Variants in RUNDC3B observed in about 807,000 individuals in gnomAD.
RUNDC3B encodes the protein RUN domain containing 3B, also known as RUN domain-containing protein 3B.
A neutral mutation model predicts 58.4 loss-of-function variants in RUNDC3B; 33 were observed. The ratio of observed to expected loss-of-function variants is 0.56; its 90% CI spans 0.43 to 0.75. The LOEUF is 0.75. Among genes scored for constraint, RUNDC3B ranks in the 30% least tolerant of loss-of-function variants. The pLI is 0.00. For synonymous variants in RUNDC3B, 193 were observed against 195.2 expected (o/e 0.99, Z 0.10); for missense variants, 501 against 535.7 (o/e 0.94, Z 0.64).
chr7:87,674,582 C>T (rs1301705012), intron 2 of RUNDC3B, among the ~76,000 whole-genome samples: 1 of 151,972 alleles, frequency 6.6e-6, no homozygotes, highest in Admixed American at 6.5e-5. Flanking sequence ...ATAGTATATG[C>T]CAGTAAAGTA....
chr7:87,664,592 A>C (rs1216407189), intron 2 of RUNDC3B, among the ~76,000 whole-genome samples: 1 of 152,176 alleles, frequency 6.6e-6, no homozygotes, highest in Non-Finnish European at 1.5e-5. Flanking sequence ...ATGGAAATTT[A>C]AAAGTATGAT....
intron 6 of RUNDC3B, among the ~76,000 whole-genome samples, chr7:87,768,017 A>T (rs1834065673): frequency 6.6e-6 from 1 of 152,156 alleles, no homozygotes. Context: ...TCTGTACTCT[A>T]TTGCAGGAAT....
At chr7:87,791,551 C>A (rs1835522236) in intron 8 of RUNDC3B, among the ~76,000 whole-genome samples, 1 of 151,694 alleles carries the variant, frequency 6.6e-6, no homozygotes, top group Non-Finnish European at 1.5e-5. Context: ...TAAAGAGAAA[C>A]AAAAATGTAA....
At chr7:87,651,346 A>G (rs140669184) in intron 2 of RUNDC3B, among the ~76,000 whole-genome samples, 1 of 152,288 alleles carries the variant, frequency 6.6e-6, no homozygotes, top group East Asian at 1.9e-4. Flanking sequence ...GTAGGTTAAA[A>G]AAGAGGTATG....
rs1320923217 is a variant in RUNDC3B at position 87,817,456 on chromosome 7, T to G, written c.1225+1194T>G. 2.0e-5 allele frequency among the ~76,000 whole-genome samples: 3 copies of G among 152,210 alleles called. No individual in the cohort carries two copies. The East Asian group carries it at 5.8e-4, about 29-fold the overall frequency. On this transcript the variant is annotated intron_variant, in intron 10 of 10. Coordinates refer to ENST00000394654, the MANE Select transcript of RUNDC3B (RefSeq NM_001134405.2). ...GCTTTTCCTAGCCTCCTACTTGACC[T>G]TGTTCTTGCCAGCATCTGCCTCATT...
At chr7:87,706,649 A>G (rs1829617876) in intron 3 of RUNDC3B, among the ~76,000 whole-genome samples, 1 of 152,190 alleles carries the variant, frequency 6.6e-6, no homozygotes, top group Admixed American at 6.5e-5. Flanking sequence ...GCTTTAGCCT[A>G]AAGTTGTTTG....
intron 2 of RUNDC3B, among the ~76,000 whole-genome samples, chr7:87,697,357 G>A (rs1012463463): frequency 2.0e-5 from 3 of 152,116 alleles, no homozygotes; most frequent in Admixed American, 2.0e-4. Flanking sequence ...ATTCTTTCCA[G>A]TGTGTAGTAC....
chr7:87,717,001 G>A (rs1307368736), intron 4 of RUNDC3B, among the ~76,000 whole-genome samples: 1 of 152,104 alleles, frequency 6.6e-6, no homozygotes, highest in Non-Finnish European at 1.5e-5. Context: ...GTCTCACTAT[G>A]TTGCCCAGGG....
intron 3 of RUNDC3B, among the ~76,000 whole-genome samples, chr7:87,702,438 C>T (rs1320345806): frequency 6.6e-6 from 1 of 151,924 alleles, no homozygotes; most frequent in Non-Finnish European, 1.5e-5. Flanking sequence ...GCCACCATGC[C>T]TGGCAAATGT....
In RUNDC3B at chr7:87,832,047, T is replaced by A. The variant is rs1469651233; in HGVS notation, c.*2017T>A. ...TTTCCTCCTTTCTTGGAGATCTTGG[T>A]ATAAAATTCATCTGCTGTTATAAAA... On this transcript the variant is annotated 3_prime_UTR_variant, in exon 11 of 11. Coordinates refer to ENST00000394654, the MANE Select transcript of RUNDC3B (RefSeq NM_001134405.2). 1.3e-5 allele frequency: 2 copies of A among 151,958 alleles called. No homozygotes were observed. Among genetic ancestry groups the A allele is most frequent in the Non-Finnish European group, 2.9e-5 (2 of 67,890 alleles). 9.4% of individuals were successfully genotyped at this position (151,958 alleles called of 1,614,324 possible). A position where few individuals can be genotyped will look rare whatever the true frequency, so the allele number is the denominator to read the frequency against.
chr7:87,746,165 T>A (rs1832629594), intron 6 of RUNDC3B, among the ~76,000 whole-genome samples: 1 of 152,108 alleles, frequency 6.6e-6, no homozygotes, highest in South Asian at 2.1e-4. Flanking sequence ...TCTGAGAGAG[T>A]GCTTGATATA....
intron 2 of RUNDC3B, among the ~76,000 whole-genome samples, chr7:87,687,980 G>C (rs572952193): frequency 6.6e-6 from 1 of 152,070 alleles, no homozygotes; most frequent in Non-Finnish European, 1.5e-5. Context: ...GACTTAAATT[G>C]TTTCTGTAGT....
chr7:87,749,944 T>A lies in RUNDC3B; in HGVS notation c.629+8365T>A, dbSNP rs551718138. On this transcript the variant is annotated intron_variant, in intron 6 of 10. Coordinates refer to ENST00000394654, the MANE Select transcript of RUNDC3B (RefSeq NM_001134405.2). The stretch of plus-strand genomic sequence containing the variant: ...GCACAATGTGCAGGTTACTTACATA[T>A]GTATACATGTGCCATGCTGGTGTGC... 4.8e-3 allele frequency among the ~76,000 whole-genome samples: 732 copies of A among 152,122 alleles called. 3 individuals are homozygous for A. Among genetic ancestry groups the A allele is most frequent in the African/African-American group, 0.017 (693 of 41,484 alleles).
chr7:87,824,700 G>T (rs1326560751), intron 10 of RUNDC3B, among the ~76,000 whole-genome samples: 1 of 152,148 alleles, frequency 6.6e-6, no homozygotes, highest in Admixed American at 6.5e-5. Context: ...GAATATCTTT[G>T]ACCAAAATGC....
chr7:87,789,399 C>T lies in RUNDC3B; in HGVS notation c.956+11444C>T, dbSNP rs145276772. On this transcript the variant is annotated intron_variant, in intron 8 of 10. Transcript: ENST00000394654. ...GTTGAAAAGCCAATTTAGTGTAGTTCGTAGTGAGTACTGATGGCATGATCT... is the reference window on the plus strand; with the variant it reads ...GTTGAAAAGCCAATTTAGTGTAGTTTGTAGTGAGTACTGATGGCATGATCT... Among the ~76,000 whole-genome samples the T allele has an allele frequency of 2.0e-4, 31 of 152,192 alleles. No homozygotes were observed. In the East Asian group the frequency reaches 4.8e-3, roughly 24 times the overall value.
At chr7:87,824,563 G>T (rs1837693368) in intron 10 of RUNDC3B, among the ~76,000 whole-genome samples, 1 of 152,136 alleles carries the variant, frequency 6.6e-6, no homozygotes, top group Admixed American at 6.6e-5. Context: ...GGGCACTGCT[G>T]AAAAGATACC....
chr7:87,772,559 A>ATTT (rs1349838966), intron 7 of RUNDC3B, among the ~76,000 whole-genome samples: 3 of 152,348 alleles, frequency 2.0e-5, no homozygotes, highest in South Asian at 4.1e-4. Context: ...GGTTAGAGAC[A>ATTT]TTTTTTAATG....
Position 87,644,485 on chromosome 7 carries a change from T to TA in RUNDC3B, c.123-6336dup, listed in dbSNP as rs564165360. ...TTCTCTGTCTCATATTTTGGATACT[T>TA]ACGTTCTATTAAAAACATCACTCTT... On this transcript the variant is annotated intron_variant, in intron 1 of 10. Coordinates refer to ENST00000394654, the MANE Select transcript of RUNDC3B (RefSeq NM_001134405.2). Among the ~76,000 whole-genome samples the TA allele has an allele frequency of 8.8e-4, 134 of 152,336 alleles. 1 individual carries two copies. The highest frequency in any genetic ancestry group is 2.2e-3 in the African/African-American group (93 of 41,588).
intron 2 of RUNDC3B, among the ~76,000 whole-genome samples, chr7:87,699,035 A>G (rs1828767491): frequency 6.6e-6 from 1 of 152,116 alleles, no homozygotes; most frequent in Non-Finnish European, 1.5e-5. Flanking sequence ...GTTTGTGGGG[A>G]GGCTAGACAT....
Sources: gnomAD v4.1 joint callset for allele counts (sites outside exome capture counted in the v4.1 genomes callset) on GRCh38, gnomAD v4.1.1 for gene constraint, MANE v1.5 for transcripts, NCBI Gene and HGNC (gene_info 2026-07-23, HGNC 2026-07-21) for gene names.